The following TMC2 variants were observed in gnomAD, a reference collection of about 807,000 sequenced individuals.
TMC2 encodes the protein transmembrane channel like 2.
Under a neutral mutation model 105.9 loss-of-function variants are expected in TMC2, and 102 were observed. The ratio of observed to expected loss-of-function variants is 0.96; its 90% CI spans 0.82 to 1.14. TMC2 has a LOEUF of 1.14. TMC2 is among the 50% of genes most tolerant of loss of function. The probability of loss-of-function intolerance (pLI) is 0.00; values close to 1 mark genes in which losing one functional copy is unlikely to be tolerated. For synonymous variants in TMC2, 402 were observed against 422.8 expected, an observed-to-expected ratio of 0.95 and a Z score of 0.60; for missense variants, 1,093 against 1,134.3, an observed-to-expected ratio of 0.96 and a Z score of 0.52.
Position 2,583,614 on chromosome 20 carries a change from C to T in TMC2, c.834+3558C>T, listed in dbSNP as rs374576150. ...AGTAGCTGGGATTACAGGCATGTGC[C>T]GCCACGCCCTGCTAATTTTTGTATT... On this transcript the variant is annotated intron_variant, in intron 7 of 19. Transcript: ENST00000358864. 2.1e-4 allele frequency among the ~76,000 whole-genome samples: 32 copies of T among 152,130 alleles called. 1 individual carries two copies. The highest frequency in any genetic ancestry group is 9.2e-4 in the Admixed American group (14 of 15,270).
chr20:2,545,908 AAAAG>A (rs907062934), intron 2 of TMC2, among the ~76,000 whole-genome samples: 19 of 121,376 alleles, frequency 1.6e-4, no homozygotes, highest in African/African-American at 5.5e-4. Context: ...AAGAAAGAAA[AAAAG>A]AAAGAAATGA....
At chr20:2,549,491 C>G (rs2085944030) in intron 2 of TMC2, among the ~76,000 whole-genome samples, 2 of 152,044 alleles carry the variant, frequency 1.3e-5, no homozygotes, top group South Asian at 4.1e-4. Flanking sequence ...GTCTGTAATC[C>G]CAGCACTTTG....
chr20:2,548,105 T>A (rs895562987), intron 2 of TMC2, among the ~76,000 whole-genome samples: 1 of 152,248 alleles, frequency 6.6e-6, no homozygotes, highest in Non-Finnish European at 1.5e-5. Context: ...ACTGGTAGGA[T>A]GGATAATTGT....
chr20:2,611,886 G>GTGGGTGGATGGATGGA (rs2086442625), intron 12 of TMC2, among the ~76,000 whole-genome samples: 1 of 87,508 alleles, frequency 1.1e-5, no homozygotes, highest in Admixed American at 1.3e-4. Context: ...GGGTGGGTGG[G>GTGGGTGGATGGATGGA]TGGATGGATG....
At chr20:2,605,889 C>T (rs1388302046) in intron 11 of TMC2, among the ~76,000 whole-genome samples, 1 of 152,196 alleles carries the variant, frequency 6.6e-6, no homozygotes, top group Non-Finnish European at 1.5e-5. Flanking sequence ...GTGCTGTCCG[C>T]AGAGCCTGTG....
intron 19 of TMC2, among the ~76,000 whole-genome samples, chr20:2,640,518 G>T (rs2086680790): frequency 6.6e-6 from 1 of 152,094 alleles, no homozygotes; most frequent in South Asian, 2.1e-4. Context: ...TGGGGACCCT[G>T]GCTCCTTCCA....
chr20:2,639,019 C>T (rs1224008135), intron 19 of TMC2, among the ~76,000 whole-genome samples: 2 of 152,050 alleles, frequency 1.3e-5, no homozygotes, highest in Non-Finnish European at 2.9e-5. Flanking sequence ...CCTCAGCCTC[C>T]TGAGTAGCTG....
chr20:2,636,764 C>T lies in TMC2; in HGVS notation c.2386-710C>T, dbSNP rs567197636. ...TCAGCCTCCCAAGTAGCTGGGACTA[C>T]AGGCGTGCATGCACCACCACACCCA... On this transcript the variant is annotated intron_variant, in intron 18 of 19. Transcript: ENST00000358864. Among the ~76,000 whole-genome samples, 235 of 65,082 alleles carry T rather than the reference C, an allele frequency of 3.6e-3. 2 individuals are homozygous for T. Among genetic ancestry groups the T allele is most frequent in the Middle Eastern group, 0.015 (2 of 134 alleles). 42.7% of individuals were successfully genotyped at this position (65,082 alleles called of 152,430 possible).
intron 2 of TMC2, among the ~76,000 whole-genome samples, chr20:2,548,846 CT>C (rs2085940092): frequency 6.6e-6 from 1 of 151,992 alleles, no homozygotes; most frequent in Admixed American, 6.6e-5. Context: ...ATTTTGTAAC[CT>C]TCAACATCAA....
chr20:2,586,269 A>G (rs1305979112), intron 7 of TMC2, among the ~76,000 whole-genome samples: 2 of 152,220 alleles, frequency 1.3e-5, no homozygotes, highest in African/African-American at 2.4e-5. Context: ...ATCTGCACCA[A>G]CACAACAAAC....
Position 2,641,780 on chromosome 20 carries a change from G to A in TMC2, c.*429G>A, listed in dbSNP as rs535331321. The stretch of plus-strand genomic sequence containing the variant: ...AAGGGCCTACATTTCTCAATCCAGA[G>A]GAAGTGAGCTGGTTTAAATGAAAGG... On this transcript the variant is annotated 3_prime_UTR_variant, in exon 20 of 20. Coordinates refer to ENST00000358864, the MANE Select transcript of TMC2 (RefSeq NM_080751.3). 4.6e-5 allele frequency: 8 copies of A among 175,402 alleles called. 1 individual carries two copies. Among genetic ancestry groups the A allele is most frequent in the Non-Finnish European group, 9.9e-5 (8 of 81,184 alleles). The allele number at this position is 175,402 out of a possible 1,614,324, so 10.9% of individuals were successfully genotyped here.
At chr20:2,608,418 C>T (rs908408011) in intron 11 of TMC2, among the ~76,000 whole-genome samples, 1 of 151,784 alleles carries the variant, frequency 6.6e-6, no homozygotes, top group African/African-American at 2.4e-5. Context: ...ACCTCCGCCT[C>T]CCAGGTTCAA....
intron 9 of TMC2, among the ~76,000 whole-genome samples, chr20:2,595,689 G>A (rs1407117794): frequency 6.6e-6 from 1 of 152,116 alleles, no homozygotes; most frequent in Non-Finnish European, 1.5e-5. Context: ...GGAAGGCACT[G>A]TCTCCTACAC....
chr20:2,541,417 GATTA>G (rs1193889293), intron 2 of TMC2, among the ~76,000 whole-genome samples: 1 of 152,156 alleles, frequency 6.6e-6, no homozygotes, highest in Non-Finnish European at 1.5e-5. Context: ...GAGGCAGGCG[GATTA>G]ATTAAGGTCA....
Position 2,602,100 on chromosome 20 carries a change from T to G in TMC2, c.1225-13T>G. 1 of 1,591,304 alleles carries G rather than the reference T, an allele frequency of 6.3e-7. No homozygotes were observed. The highest frequency in any genetic ancestry group is 8.6e-7 in the Non-Finnish European group (1 of 1,166,676). On this transcript the variant is annotated splice_polypyrimidine_tract_variant and intron_variant, in intron 10 of 19. Coordinates refer to ENST00000358864, the MANE Select transcript of TMC2 (RefSeq NM_080751.3). ...GCCTGACATTTATGCACATCTCATTTTCACACATTAAGGAATCAATAGTGG... is the reference window on the plus strand; with the variant it reads ...GCCTGACATTTATGCACATCTCATTGTCACACATTAAGGAATCAATAGTGG...
At position 2,558,357 on chromosome 20, in the gene TMC2, C is replaced by T. The variant is rs765173772; in HGVS notation, c.83-99C>T. The T allele has an allele frequency of 6.6e-6, 10 of 1,516,210 alleles. No homozygotes were observed. The highest frequency in any genetic ancestry group is 8.8e-6 in the Non-Finnish European group (10 of 1,130,862). The allele number at this position is 1,516,210 out of a possible 1,614,324, so 93.9% of individuals were successfully genotyped here. A position where few individuals can be genotyped will look rare whatever the true frequency, so the allele number is the denominator to read the frequency against. On this transcript the variant is annotated intron_variant, in intron 2 of 19. Transcript: ENST00000358864. This position sits in a 1 kb window ranked among gnomAD's most constrained non-coding sequence, Gnocchi z 4.6. ...CTGAGCCCCGCAGAGCTCACAAGCT[C>T]TCGGAATCATCTTGGACGTCTGATT...
rs112366917 is a variant in TMC2, at chr20:2,571,084, G to A, written c.555-1095G>A. Among the ~76,000 whole-genome samples, 1,262 of 152,234 alleles carry A rather than the reference G, an allele frequency of 8.3e-3. 19 individuals are homozygous for A. Among genetic ancestry groups the A allele is most frequent in the African/African-American group, 0.028 (1,155 of 41,518 alleles). ...CTAGGAAATATCATTCTGGATATTG[G>A]CCTTGGGAAAGAATTTACGACTAAG... On this transcript the variant is annotated intron_variant, in intron 4 of 19. Transcript: ENST00000358864.
At chr20:2,587,826 C>T (rs898404529) in intron 7 of TMC2, among the ~76,000 whole-genome samples, 1 of 152,112 alleles carries the variant, frequency 6.6e-6, no homozygotes. Flanking sequence ...GTCACCATGT[C>T]GTACAATAGA....
intron 2 of TMC2, among the ~76,000 whole-genome samples, chr20:2,549,162 C>T (rs1568501768): frequency 6.6e-6 from 1 of 152,142 alleles, no homozygotes; most frequent in Non-Finnish European, 1.5e-5. Flanking sequence ...CTTGGGTAAT[C>T]CCACTCTCTC....
Sources: allele counts gnomAD v4.1 joint callset (sites outside exome capture counted in the v4.1 genomes callset), GRCh38; gene constraint gnomAD v4.1.1; non-coding constraint Gnocchi (gnomAD v3.1); transcripts MANE v1.5; gene names NCBI Gene and HGNC (gene_info 2026-07-23, HGNC 2026-07-21).